RNF213: variants seen among roughly 807,000 people sequenced by gnomAD.
RNF213 encodes ring finger protein 213.
Under a neutral mutation model 514.4 loss-of-function variants are expected in RNF213, and 341 were observed. That is an observed-to-expected ratio of 0.66 (90% CI 0.61 to 0.73). The LOEUF is 0.73. Among genes scored for constraint, RNF213 ranks in the 30% least tolerant of loss-of-function variants. The pLI, the probability that RNF213 is intolerant of heterozygous loss-of-function variation, is 0.00. For synonymous variants in RNF213, 2,655 were observed against 2,658.2 expected (o/e 1.00, Z 0.04); for missense variants, 5,767 against 6,615.6 (o/e 0.87, Z 4.45).
chr17:80,349,881 GAGTACTC>G lies in RNF213; in HGVS notation c.10065_10071del (p.Glu3355AspfsTer10). On this transcript the variant is annotated frameshift_variant, in exon 30 of 68. Transcript: ENST00000582970. LOFTEE classifies it high-confidence loss of function. ...CCTGTGGCTGCAGCAGTTTGACACC[GAGTACTC>G]ATTCCTCAAAGAAGTCCGGTGAGGT... 6.2e-7 allele frequency: 1 copy of G among 1,613,938 alleles called. No homozygotes were observed. Among genetic ancestry groups the G allele is most frequent in the Non-Finnish European group, 8.5e-7 (1 of 1,180,012 alleles).
At chr17:80,379,342 T>A (rs911887326) in intron 54 of RNF213, 5 of 462,208 alleles carry the variant, frequency 1.1e-5, no homozygotes, top group African/African-American at 7.9e-5. Context: ...GAAAGGAAGG[T>A]TGAATTTTAT....
At chr17:80,295,974 A>G (rs2044926964) in intron 10 of RNF213, among the ~76,000 whole-genome samples, 161 bp downstream of exon 10, 1 of 152,202 alleles carries the variant, frequency 6.6e-6, no homozygotes, top group Non-Finnish European at 1.5e-5. Context: ...AGTTTTTCCT[A>G]GCATCTGTCT....
At chr17:80,324,899 T>G in intron 17 of RNF213, 131 bp from the exon 18 acceptor site, 4 of 909,176 alleles carry the variant, frequency 4.4e-6, no homozygotes, top group Non-Finnish European at 6.6e-6. Context: ...TATTTTGCTC[T>G]TTTTGTGGCC....
At chr17:80,336,417 T>G in intron 23 of RNF213, 39 bp downstream of exon 23, 1 of 1,516,892 alleles carries the variant, frequency 6.6e-7, no homozygotes, top group African/African-American at 1.4e-5. Context: ...TTTTGTTGAA[T>G]AGAGCATTGC....
intron 14 of RNF213, among the ~76,000 whole-genome samples, chr17:80,310,396 G>T (rs1428632711): frequency 6.6e-6 from 1 of 151,034 alleles, no homozygotes; most frequent in Admixed American, 6.6e-5. Flanking sequence ...GGGACTACAG[G>T]TGTGCACCAC....
At chr17:80,367,015 GA>G (rs2144446071) in intron 42 of RNF213, among the ~76,000 whole-genome samples, 1 of 152,322 alleles carries the variant, frequency 6.6e-6, no homozygotes, top group Non-Finnish European at 1.5e-5. Context: ...CAAGAATGTT[GA>G]ATACAGGACT....
In RNF213 at chr17:80,329,128, C is replaced by T. The variant is rs547706720; in HGVS notation, c.3517+651C>T. 1.4e-4 allele frequency among the ~76,000 whole-genome samples: 22 copies of T among 152,342 alleles called. No individual in the cohort carries two copies. The Middle Eastern group carries it at 0.02, about 141-fold the overall frequency. On this transcript the variant is annotated intron_variant, in intron 20 of 67. Transcript: ENST00000582970. ...CGTAGGGTGGAGTCTCCCTCCACCT[C>T]CTAGGAGCCTTTGCCTGGCACCTGG...
In RNF213 at chr17:80,369,833, C is replaced by T. The variant is rs556513891; in HGVS notation, c.12391C>T (p.Arg4131Cys). Residue 4131 changes from arginine (R) to cysteine (C), a missense_variant, in exon 46 of 68, where the codon CGC becomes TGC. Coordinates refer to ENST00000582970, the MANE Select transcript of RNF213 (RefSeq NM_001256071.3). ...NDVVDKTPVI[R>C]SVILKLLLKY... is the part of the protein sequence containing the mutation. ...TGTTGTGGATAAGACTCCTGTCATC[C>T]GCTCAGTGATACTGAAACTGCTTTT... 8.7e-6 allele frequency: 14 copies of T among 1,613,300 alleles called. No homozygotes were observed. The highest frequency in any genetic ancestry group is 1.1e-5 in the Non-Finnish European group (13 of 1,179,336).
chr17:80,381,887 G>C (rs2080021899), intron 57 of RNF213, 160 bp downstream of exon 57: 5 of 753,520 alleles, frequency 6.6e-6, no homozygotes, highest in Non-Finnish European at 1.1e-5. Flanking sequence ...ACCGTGTCTA[G>C]GGAAGGCGAT....
chr17:80,281,294 C>A (rs1167266454), intron 3 of RNF213, among the ~76,000 whole-genome samples: 1 of 99,210 alleles, frequency 1.0e-5, no homozygotes, highest in African/African-American at 4.0e-5. Flanking sequence ...CACACACATA[C>A]CCTCCACACA....
intron 8 of RNF213, among the ~76,000 whole-genome samples, chr17:80,292,231 C>A (rs1005421679): frequency 1.3e-5 from 2 of 152,102 alleles, no homozygotes; most frequent in Non-Finnish European, 2.9e-5. Flanking sequence ...ATTACAGGAG[C>A]CTGTCACCAC....
At position 80,306,243 on chromosome 17, in the gene RNF213, C is replaced by T. The variant is rs769896184; in HGVS notation, c.2211-9C>T. On this transcript the variant is annotated splice_polypyrimidine_tract_variant and intron_variant, in intron 11 of 67. Coordinates refer to ENST00000582970, the MANE Select transcript of RNF213 (RefSeq NM_001256071.3). Reference sequence around the variant, plus strand: ...GTCTCTTTTCTCCGTCCCTATTTCTCTTATGCAGGAGTTCCCTACTTCAGT... The same window carrying T: ...GTCTCTTTTCTCCGTCCCTATTTCTTTTATGCAGGAGTTCCCTACTTCAGT... 4 of 1,613,662 alleles carry T rather than the reference C, an allele frequency of 2.5e-6. No homozygotes were observed. The highest frequency in any genetic ancestry group is 4.5e-5 in the East Asian group (2 of 44,888).
At chr17:80,338,149 A>C (rs538904712) in intron 25 of RNF213, among the ~76,000 whole-genome samples, 152 bp downstream of exon 25, 21 of 152,308 alleles carry the variant, frequency 1.4e-4, no homozygotes, top group Admixed American at 2.6e-4. Flanking sequence ...GAGTTGGCAC[A>C]TTTGTAGGGT....
At chr17:80,364,175 A>G (rs2079164096) in intron 41 of RNF213, among the ~76,000 whole-genome samples, 1 of 152,170 alleles carries the variant, frequency 6.6e-6, no homozygotes, top group Non-Finnish European at 1.5e-5. Flanking sequence ...CAGGCGCAGG[A>G]TCATGCAGTG....
In RNF213 at chr17:80,267,204, C is replaced by T. The variant is rs550069548; in HGVS notation, c.97+3426C>T. On this transcript the variant is annotated intron_variant, in intron 2 of 67. Transcript: ENST00000582970. ...TGCACTCCAGCCTGGGTGACAACAG[C>T]GAGACTCTGTCTCAAAAAAAAAAAA... Among the ~76,000 whole-genome samples, 185 of 143,842 alleles carry T rather than the reference C, an allele frequency of 1.3e-3. 1 individual carries two copies. Among genetic ancestry groups the T allele is most frequent in the Non-Finnish European group, 4.4e-4 (29 of 66,122 alleles). 94.4% of individuals were successfully genotyped at this position (143,842 alleles called of 152,430 possible). A position where few individuals can be genotyped will look rare whatever the true frequency, so the allele number is the denominator to read the frequency against.
At chr17:80,334,758 C>G (rs2077937088) in intron 22 of RNF213, among the ~76,000 whole-genome samples, 1 of 151,800 alleles carries the variant, frequency 6.6e-6, no homozygotes. Context: ...TCCCGAGTAG[C>G]TGGGACTACA....
intron 11 of RNF213, among the ~76,000 whole-genome samples, chr17:80,301,961 T>A (rs2045194591): frequency 6.6e-6 from 1 of 152,202 alleles, no homozygotes; most frequent in Admixed American, 6.5e-5. Flanking sequence ...CCAAAAAGAA[T>A]GAAATTCTGT....
intron 8 of RNF213, among the ~76,000 whole-genome samples, chr17:80,294,205 G>T (rs1261721428): frequency 6.6e-6 from 1 of 152,186 alleles, no homozygotes; most frequent in Non-Finnish European, 1.5e-5. Context: ...TTCAGCCCTT[G>T]CCCTGTGTCA....
At position 80,370,478 on chromosome 17, in the gene RNF213, G is replaced by A. The variant is rs1404392630; in HGVS notation, c.12425+611G>A. The stretch of plus-strand genomic sequence containing the variant: ...AAAACATGTTGATACTTATGATGAT[G>A]TTACAAAAAGCGGTGATGAGTTAAA... On this transcript the variant is annotated intron_variant, in intron 46 of 67. Transcript: ENST00000582970. Among the ~76,000 whole-genome samples, 3 of 152,192 alleles carry A rather than the reference G, an allele frequency of 2.0e-5. No individual in the cohort carries two copies. In the East Asian group the frequency reaches 5.8e-4, roughly 29 times the overall value.
Sources: gnomAD v4.1 joint callset for allele counts (sites outside exome capture counted in the v4.1 genomes callset) on GRCh38, gnomAD v4.1.1 for gene constraint, MANE v1.5 for transcripts, NCBI Gene and HGNC (gene_info 2026-07-23, HGNC 2026-07-21) for gene names.